SP3: variants seen among roughly 807,000 people sequenced by gnomAD.
The protein encoded by SP3 is Sp3 transcription factor.
In SP3, 10 loss-of-function variants were observed where a neutral mutation model predicts 70.3. That is an observed-to-expected ratio of 0.14 (90% CI 0.09 to 0.24). SP3 has a LOEUF of 0.24. SP3 is among the 10% of genes least tolerant of loss of function. The pLI is 1.00. For missense variants in SP3, 825 were observed against 914.6 expected, an observed-to-expected ratio of 0.90 and a Z score of 1.26; for synonymous variants, 402 against 333.5, an observed-to-expected ratio of 1.21 and a Z score of -2.24.
chr2:173,945,070 TATA>T (rs1307470451), intron 4 of SP3, among the ~76,000 whole-genome samples: 3 of 152,256 alleles, frequency 2.0e-5, no homozygotes, highest in South Asian at 2.1e-4. Context: ...AGTAAATGGT[TATA>T]ATATTTACTA....
intron 4 of SP3, among the ~76,000 whole-genome samples, chr2:173,939,065 T>C (rs932920340): frequency 1.3e-5 from 2 of 152,126 alleles, no homozygotes; most frequent in East Asian, 1.9e-4. Context: ...GCCCAAAATA[T>C]CAACAGTGCA....
chr2:173,921,399 T>C (rs1257531466), intron 4 of SP3, among the ~76,000 whole-genome samples: 8 of 152,168 alleles, frequency 5.3e-5, no homozygotes, highest in African/African-American at 1.9e-4. Flanking sequence ...AAGTTAAAAG[T>C]TCATGCTGAC....
intron 4 of SP3, among the ~76,000 whole-genome samples, chr2:173,942,805 C>T (rs1274642324): frequency 6.6e-6 from 1 of 152,150 alleles, no homozygotes; most frequent in East Asian, 1.9e-4. Flanking sequence ...CTTGTACAGT[C>T]AGCCCTCCAC....
At chr2:173,941,678 G>A (rs1690377177) in intron 4 of SP3, among the ~76,000 whole-genome samples, 1 of 152,136 alleles carries the variant, frequency 6.6e-6, no homozygotes, top group Non-Finnish European at 1.5e-5. Flanking sequence ...GAATATACTT[G>A]GCTTTCATGG....
At position 173,906,035 on chromosome 2, in the gene SP3, T is replaced by C. The variant is rs140768865; in HGVS notation, c.*3906A>G. Among the ~76,000 whole-genome samples the C allele has an allele frequency of 7.4e-3, 1,129 of 152,088 alleles. 15 individuals are homozygous for C. The highest frequency in any genetic ancestry group is 0.026 in the African/African-American group (1,058 of 41,472). On this transcript the variant is annotated 3_prime_UTR_variant, in exon 7 of 7. Coordinates refer to ENST00000310015, the MANE Select transcript of SP3 (RefSeq NM_003111.5). ...ACAATAAACCCTGGACTAGAATGAA[T>C]TTTTCTGGGGAGAAGGTGTAGGATT...
intron 4 of SP3, among the ~76,000 whole-genome samples, chr2:173,952,681 ATG>A (rs35467551): frequency 0.055 from 8,323 of 152,296 alleles, 305 homozygotes; most frequent in Non-Finnish European, 0.082. Flanking sequence ...GATAAATAAA[ATG>A]TGGTATATCC....
intron 6 of SP3, among the ~76,000 whole-genome samples, chr2:173,911,775 T>C (rs969817505): frequency 3.3e-5 from 5 of 151,722 alleles, no homozygotes; most frequent in Non-Finnish European, 7.4e-5. Flanking sequence ...TTCTGAGCCT[T>C]TTCAACAGCA....
intron 4 of SP3, among the ~76,000 whole-genome samples, chr2:173,929,848 A>C (rs1013121822): frequency 6.6e-6 from 1 of 152,234 alleles, no homozygotes; most frequent in Non-Finnish European, 1.5e-5. Context: ...TTATGTATCA[A>C]GCAGTTATAC....
Position 173,900,828 on chromosome 2 carries a change from G to A in SP3, c.*9113C>T, listed in dbSNP as rs150380544. ...AAAACCATTAAAGACTTGAATTAAT[G>A]GAGAGATACAGAATTATCATGGATA... On this transcript the variant is annotated 3_prime_UTR_variant, in exon 7 of 7. Transcript: ENST00000310015. Among the ~76,000 whole-genome samples, 1 of 152,266 alleles carries A rather than the reference G, an allele frequency of 6.6e-6. No homozygotes were observed. Among genetic ancestry groups the A allele is most frequent in the African/African-American group, 2.4e-5 (1 of 41,546 alleles).
At position 173,954,984 on chromosome 2, in the gene SP3, G is replaced by C. The variant is rs776540474; in HGVS notation, c.1528C>G (p.Pro510Ala). The change falls in exon 4 of 7, where the codon CCA (proline) becomes GCA (alanine). Residue 510 changes from proline (P) to alanine (A), a missense_variant. Around this residue, in one of 4 missense-constraint regions of SP3, gnomAD observed 678 missense variants for 651.6 expected, o/e 1.04. Coordinates refer to ENST00000310015, the MANE Select transcript of SP3 (RefSeq NM_003111.5). ...AACTGACCAGTGCTTAGACTAACTGGAGTTGAAGTGAAGGCTCCACCTGCC... is the reference window on the plus strand; with the variant it reads ...AACTGACCAGTGCTTAGACTAACTGCAGTTGAAGTGAAGGCTCCACCTGCC... ...VAAGGAFTSTPVSLSTGQLPN... is the reference protein window; with the variant it reads ...VAAGGAFTSTAVSLSTGQLPN... 6.8e-6 allele frequency: 11 copies of C among 1,614,154 alleles called. No homozygotes were observed. The South Asian group carries it at 8.8e-5, about 13-fold the overall frequency.
At chr2:173,936,841 C>T (rs1175754091) in intron 4 of SP3, among the ~76,000 whole-genome samples, 1 of 151,592 alleles carries the variant, frequency 6.6e-6, no homozygotes, top group Non-Finnish European at 1.5e-5. Context: ...ATCTTCCTCT[C>T]ATCTCTCTAC....
At chr2:173,962,644 A>C (rs1416841935) in intron 3 of SP3, among the ~76,000 whole-genome samples, 1 of 151,308 alleles carries the variant, frequency 6.6e-6, no homozygotes, top group African/African-American at 2.4e-5. Context: ...CATTGGTTTA[A>C]CTTAAAAAAA....
At chr2:173,931,004 T>C (rs574869559) in intron 4 of SP3, among the ~76,000 whole-genome samples, 1 of 152,314 alleles carries the variant, frequency 6.6e-6, no homozygotes, top group East Asian at 1.9e-4. Context: ...AAAGCTAATA[T>C]TGCAATTAAC....
intron 4 of SP3, among the ~76,000 whole-genome samples, chr2:173,928,575 A>G (rs1307854504): frequency 6.6e-6 from 1 of 152,068 alleles, no homozygotes; most frequent in African/African-American, 2.4e-5. Context: ...GACTGTAAAC[A>G]ATCCTGAGTT....
intron 4 of SP3, among the ~76,000 whole-genome samples, chr2:173,941,498 T>C (rs1690372141): frequency 6.6e-6 from 1 of 152,110 alleles, no homozygotes; most frequent in Non-Finnish European, 1.5e-5. Context: ...CAGTCCCAGC[T>C]ACTTGGGAAG....
chr2:173,964,028 C>T, intron 2 of SP3, 145 bp from the exon 3 acceptor site: 1 of 407,636 alleles, frequency 2.5e-6, no homozygotes. Flanking sequence ...TCCTCCTCCT[C>T]CTCCTCCTCC....
At chr2:173,913,480 GTGAT>G (rs1201882682) in intron 5 of SP3, 1 of 339,428 alleles carries the variant, frequency 2.9e-6, no homozygotes, top group East Asian at 4.6e-5. Flanking sequence ...CAGAATTAAT[GTGAT>G]TGTTGTCCAA....
intron 3 of SP3, among the ~76,000 whole-genome samples, chr2:173,960,913 C>G (rs113914541): frequency 1.5e-4 from 23 of 152,130 alleles, no homozygotes; most frequent in African/African-American, 5.5e-4. Flanking sequence ...GAAGCAGAGC[C>G]TGCAGTGAGC....
Position 173,900,882 on chromosome 2 carries a change from T to C in SP3, c.*9059A>G, listed in dbSNP as rs1180996603. Among the ~76,000 whole-genome samples the C allele has an allele frequency of 6.6e-6, 1 of 152,218 alleles. No homozygotes were observed. The highest frequency in any genetic ancestry group is 1.5e-5 in the Non-Finnish European group (1 of 68,030). ...AGATAACATTCTTTCCCCAAATTAA[T>C]CTATAGATTCAATGTAATTCTAATA... On this transcript the variant is annotated 3_prime_UTR_variant, in exon 7 of 7. Coordinates refer to ENST00000310015, the MANE Select transcript of SP3 (RefSeq NM_003111.5).
Sources: gnomAD v4.1 joint callset for allele counts (sites outside exome capture counted in the v4.1 genomes callset) on GRCh38, gnomAD v4.1.1 for gene constraint, gnomAD v4.1.1 regional missense constraint, MANE v1.5 for transcripts, NCBI Gene and HGNC (gene_info 2026-07-23, HGNC 2026-07-21) for gene names.